Variants in EXOC6B observed in about 807,000 individuals in gnomAD.
EXOC6B encodes SEC15 homolog B.
Under a neutral mutation model 113.5 loss-of-function variants are expected in EXOC6B, and 54 were observed. That is an observed-to-expected ratio of 0.48 (90% CI 0.38 to 0.60). The LOEUF is 0.60. Ranked by LOEUF, EXOC6B falls within the 20% of genes least tolerant of loss-of-function variation. The pLI is 0.00. For missense variants in EXOC6B, 797 were observed against 977.5 expected (o/e 0.82, Z 2.46); for synonymous variants, 357 against 339.0 (o/e 1.05, Z -0.58).
At chr2:72,443,246 C>G (rs773233697) in intron 18 of EXOC6B, among the ~76,000 whole-genome samples, 4 of 150,340 alleles carry the variant, frequency 2.7e-5, no homozygotes, top group Non-Finnish European at 5.9e-5. Context: ...TCACTTGAAT[C>G]TGGGAGGCAC....
At chr2:72,500,619 A>G (rs932254358) in intron 11 of EXOC6B, among the ~76,000 whole-genome samples, 2 of 152,164 alleles carry the variant, frequency 1.3e-5, no homozygotes, top group Non-Finnish European at 2.9e-5. Flanking sequence ...AATACAAAAG[A>G]GAAAATAAGT....
Position 72,514,944 on chromosome 2 carries a change from C to CACATACACAG in EXOC6B, c.999+98_999+99insCTGTGTATGT, listed in dbSNP as rs1329498898. ...AGTGGTCTCAGAATGACAGTAAACACACACACACAGACACACACACACACA... is the reference window on the plus strand; with the variant it reads ...AGTGGTCTCAGAATGACAGTAAACACACATACACAGACACACACAGACACACACACACACA... On this transcript the variant is annotated intron_variant, in intron 9 of 21. Transcript: ENST00000272427. The CACATACACAG allele has an allele frequency of 2.0e-5, 22 of 1,075,356 alleles. No individual in the cohort carries two copies. The African/African-American group carries it at 4.3e-4, about 21-fold the overall frequency. The allele number at this position is 1,075,356 out of a possible 1,614,324, so 66.6% of individuals were successfully genotyped here. A position where few individuals can be genotyped will look rare whatever the true frequency, so the allele number is the denominator to read the frequency against.
intron 6 of EXOC6B, among the ~76,000 whole-genome samples, chr2:72,632,264 T>C (rs1355545700): frequency 6.6e-6 from 1 of 152,144 alleles, no homozygotes; most frequent in African/African-American, 2.4e-5. Context: ...TAAAAACCTA[T>C]GAAATTTTAA....
chr2:72,603,642 T>C (rs1015864458), intron 6 of EXOC6B, among the ~76,000 whole-genome samples: 20 of 152,154 alleles, frequency 1.3e-4, no homozygotes, highest in Non-Finnish European at 5.9e-5. Flanking sequence ...GCAAGTGGTG[T>C]GTACCTATCT....
chr2:72,436,530 T>A (rs1460900901), intron 18 of EXOC6B, among the ~76,000 whole-genome samples: 1 of 152,224 alleles, frequency 6.6e-6, no homozygotes, highest in Middle Eastern at 3.2e-3. Flanking sequence ...CCCTTTTAGG[T>A]ACATCAATCA....
At chr2:72,338,633 A>T (rs565863122) in intron 19 of EXOC6B, among the ~76,000 whole-genome samples, 1 of 152,294 alleles carries the variant, frequency 6.6e-6, no homozygotes, top group Non-Finnish European at 1.5e-5. Flanking sequence ...CCTGGGAAAC[A>T]TGATTAACTT....
At chr2:72,355,521 C>T (rs895295225) in intron 19 of EXOC6B, among the ~76,000 whole-genome samples, 2 of 152,176 alleles carry the variant, frequency 1.3e-5, no homozygotes, top group Non-Finnish European at 2.9e-5. Flanking sequence ...GAACTTTTCT[C>T]ATAAACCAAG....
chr2:72,271,449 T>A (rs1176645147), intron 20 of EXOC6B, among the ~76,000 whole-genome samples: 1 of 151,786 alleles, frequency 6.6e-6, no homozygotes, highest in Non-Finnish European at 1.5e-5. Context: ...AGAAGGATGA[T>A]CTACTGAAGG....
In EXOC6B at chr2:72,480,697, C is replaced by T; in HGVS notation, c.1719G>A (p.Leu573=). 1 of 1,595,294 alleles carries T rather than the reference C, an allele frequency of 6.3e-7. No homozygotes were observed. The highest frequency in any genetic ancestry group is 8.5e-7 in the Non-Finnish European group (1 of 1,169,730). The change falls in exon 17 of 22, where the codon TTG becomes TTA. Residue 573 remains leucine (L), a synonymous_variant. Coordinates refer to ENST00000272427, the MANE Select transcript of EXOC6B (RefSeq NM_015189.3). The part of the protein sequence containing the change: ...TTHLEKSCKY[L]EEFITNITNV... ...TAGTGATGTTGGTGATAAATTCTTC[C>T]AAGTACTTACAGGATTTCTCCAAAT...
chr2:72,527,087 T>G (rs1701778487), intron 8 of EXOC6B, among the ~76,000 whole-genome samples: 1 of 152,022 alleles, frequency 6.6e-6, no homozygotes, highest in Non-Finnish European at 1.5e-5. Flanking sequence ...AATTCACTGC[T>G]AAGAACCACT....
chr2:72,279,122 T>C (rs960503779), intron 20 of EXOC6B, among the ~76,000 whole-genome samples: 2 of 152,216 alleles, frequency 1.3e-5, no homozygotes, highest in African/African-American at 4.8e-5. Flanking sequence ...AGGATTTTCA[T>C]TCCAATCACC....
Position 72,638,778 on chromosome 2 carries a change from G to T in EXOC6B, c.670-63110C>A, listed in dbSNP as rs188912358. ...AGGGTTTGGTGCAAGAGTGTCTGTA[G>T]TGGAGCATGGCCAAGAATAGCCATC... On this transcript the variant is annotated intron_variant, in intron 6 of 21. Coordinates refer to ENST00000272427, the MANE Select transcript of EXOC6B (RefSeq NM_015189.3). Among the ~76,000 whole-genome samples, 246 of 152,312 alleles carry T rather than the reference G, an allele frequency of 1.6e-3. 2 individuals are homozygous for T. The highest frequency in any genetic ancestry group is 5.8e-3 in the African/African-American group (240 of 41,580).
intron 6 of EXOC6B, among the ~76,000 whole-genome samples, chr2:72,659,158 TAC>T (rs1674824474): frequency 6.6e-6 from 1 of 152,088 alleles, no homozygotes; most frequent in Non-Finnish European, 1.5e-5. Flanking sequence ...ATGAAAACAA[TAC>T]AGTCTTTTGA....
In EXOC6B at chr2:72,825,245, G is replaced by A. The variant is rs1686832176; in HGVS notation, c.113+553C>T. 2.0e-5 allele frequency among the ~76,000 whole-genome samples: 3 copies of A among 152,290 alleles called. No individual in the cohort carries two copies. The highest frequency in any genetic ancestry group is 2.0e-4 in the Admixed American group (3 of 15,302). On this transcript the variant is annotated intron_variant, in intron 1 of 21. Coordinates refer to ENST00000272427, the MANE Select transcript of EXOC6B (RefSeq NM_015189.3). This position sits in a 1 kb window ranked among gnomAD's most constrained non-coding sequence, Gnocchi z 4.4. The stretch of plus-strand genomic sequence containing the variant: ...GCGAGGGTCGTCCTCGTAACAGGGA[G>A]GCAGGGATAAAGGAGCAGCGGCTCC...
chr2:72,491,823 G>A (rs1271964570), intron 16 of EXOC6B, among the ~76,000 whole-genome samples: 1 of 151,910 alleles, frequency 6.6e-6, no homozygotes, highest in African/African-American at 2.4e-5. Context: ...CAAACTACAA[G>A]CTGATAAAGA....
Position 72,679,470 on chromosome 2 carries a change from C to T in EXOC6B, c.669+38633G>A, listed in dbSNP as rs371205573. Among the ~76,000 whole-genome samples, 23 of 152,164 alleles carry T rather than the reference C, an allele frequency of 1.5e-4. 2 individuals are homozygous for T. Among genetic ancestry groups the T allele is most frequent in the African/African-American group, 4.6e-4 (19 of 41,500 alleles). On this transcript the variant is annotated intron_variant, in intron 6 of 21. Transcript: ENST00000272427. ...TAAAACAAATATATTTAAAGGTAAACCAAAGAAATGTGGGTTTCTTAGTTG... is the reference window on the plus strand; with the variant it reads ...TAAAACAAATATATTTAAAGGTAAATCAAAGAAATGTGGGTTTCTTAGTTG...
intron 1 of EXOC6B, among the ~76,000 whole-genome samples, chr2:72,818,312 T>A (rs1476806900): frequency 9.7e-5 from 10 of 103,322 alleles, no homozygotes; most frequent in Non-Finnish European, 1.9e-5. Flanking sequence ...GCCCAGCTAA[T>A]TTTTTTTTTT....
At chr2:72,228,128 G>A (rs972918164) in intron 20 of EXOC6B, among the ~76,000 whole-genome samples, 2 of 152,152 alleles carry the variant, frequency 1.3e-5, no homozygotes, top group Non-Finnish European at 2.9e-5. Context: ...TTTAGGCAAA[G>A]GGAAGCGATC....
chr2:72,458,771 G>C (rs1697417978), intron 18 of EXOC6B, among the ~76,000 whole-genome samples: 1 of 152,090 alleles, frequency 6.6e-6, no homozygotes, highest in South Asian at 2.1e-4. Context: ...ATTCAGACAA[G>C]CACCAGGTTT....
Sources: gnomAD v4.1 joint callset for allele counts (sites outside exome capture counted in the v4.1 genomes callset) on GRCh38, gnomAD v4.1.1 for gene constraint, Gnocchi (gnomAD v3.1) non-coding constraint, MANE v1.5 for transcripts, NCBI Gene and HGNC (gene_info 2026-07-23, HGNC 2026-07-21) for gene names.